Variants in PRKN observed in about 807,000 individuals in gnomAD.
The protein encoded by PRKN is parkin RBR E3 ubiquitin protein ligase.
Under a neutral mutation model 59.5 loss-of-function variants are expected in PRKN, and 56 were observed. The ratio of observed to expected loss-of-function variants is 0.94; its 90% CI spans 0.76 to 1.18. PRKN has a LOEUF of 1.18. Among genes scored for constraint, PRKN ranks in the 50% most tolerant of loss-of-function variants. The probability of loss-of-function intolerance (pLI) is 0.00; values close to 1 mark genes in which losing one functional copy is unlikely to be tolerated. For synonymous variants in PRKN, 250 were observed against 222.1 expected, an observed-to-expected ratio of 1.13 and a Z score of -1.12; for missense variants, 657 against 596.4, an observed-to-expected ratio of 1.10 and a Z score of -1.06.
chr6:161,467,685 C>G lies in PRKN; in HGVS notation c.1084-80808G>C, dbSNP rs182713209. Among the ~76,000 whole-genome samples the G allele has an allele frequency of 6.6e-6, 1 of 152,310 alleles. No homozygotes were observed. Among genetic ancestry groups the G allele is most frequent in the East Asian group, 1.9e-4 (1 of 5,178 alleles). ...CAGGAGCGACAGAGGCTGCAAATGC[C>G]TGCCCAATATTCATGTTCCTCTTCT... is the stretch of plus-strand genomic sequence containing the variant. On this transcript the variant is annotated intron_variant, in intron 9 of 11. Transcript: ENST00000366898. The surrounding 1 kb of genome is among the most constrained non-coding windows in gnomAD (Gnocchi z 4.3).
chr6:161,448,371 A>G lies in PRKN; in HGVS notation c.1084-61494T>C, dbSNP rs1485672372. Among the ~76,000 whole-genome samples, 2 of 152,354 alleles carry G rather than the reference A, an allele frequency of 1.3e-5. No homozygotes were observed. The highest frequency in any genetic ancestry group is 2.1e-4 in the South Asian group (1 of 4,826). The stretch of plus-strand genomic sequence containing the variant: ...TACACATGCATATACACGTATGTGT[A>G]CATACACATATGTAATGAAATTGTT... On this transcript the variant is annotated intron_variant, in intron 9 of 11. Coordinates refer to ENST00000366898, the MANE Select transcript of PRKN (RefSeq NM_004562.3). This position sits in a 1 kb window ranked among gnomAD's most constrained non-coding sequence, Gnocchi z 5.1.
At chr6:161,822,955 T>G (rs1489011002) in intron 6 of PRKN, among the ~76,000 whole-genome samples, 1 of 152,192 alleles carries the variant, frequency 6.6e-6, no homozygotes, top group Non-Finnish European at 1.5e-5. Context: ...ATTTATTTTT[T>G]GAGATAGGGT....
chr6:162,672,181 T>A (rs984914349), intron 1 of PRKN, among the ~76,000 whole-genome samples: 1 of 152,130 alleles, frequency 6.6e-6, no homozygotes, highest in Admixed American at 6.5e-5. Context: ...AAACAAAAAA[T>A]ACACTAAAGA....
intron 4 of PRKN, among the ~76,000 whole-genome samples, chr6:162,086,219 C>T (rs1335484090): frequency 1.3e-5 from 2 of 152,142 alleles, no homozygotes; most frequent in East Asian, 3.9e-4. Flanking sequence ...TGGCACTCAA[C>T]TATCTTAAAT....
chr6:162,669,734 T>C (rs1327523525), intron 1 of PRKN, among the ~76,000 whole-genome samples: 1 of 152,188 alleles, frequency 6.6e-6, no homozygotes, highest in Admixed American at 6.5e-5. Context: ...ATTCCTCTGG[T>C]ATTTGGCCCT....
intron 1 of PRKN, chr6:162,569,392 T>C: frequency 1.5e-6 from 1 of 666,348 alleles, no homozygotes; most frequent in Non-Finnish European, 2.9e-6. Flanking sequence ...GGCAGCTGCA[T>C]GAGTACCAGA....
At chr6:162,317,000 T>A (rs1782779495) in intron 2 of PRKN, among the ~76,000 whole-genome samples, 1 of 151,662 alleles carries the variant, frequency 6.6e-6, no homozygotes, top group Admixed American at 6.6e-5. Context: ...CTTAAACAGT[T>A]AAGATTCAAG....
chr6:161,684,180 C>T (rs912626411), intron 7 of PRKN, among the ~76,000 whole-genome samples: 23 of 152,036 alleles, frequency 1.5e-4, no homozygotes, highest in Admixed American at 3.9e-4. Flanking sequence ...CAAATCATGT[C>T]TGCTTGGAGA....
rs541691032 is a variant in PRKN, at chr6:162,633,250, G to A, written c.7+94412C>T. Among the ~76,000 whole-genome samples the A allele has an allele frequency of 8.2e-4, 124 of 151,344 alleles. 1 individual carries two copies. Among genetic ancestry groups the A allele is most frequent in the African/African-American group, 2.9e-3 (121 of 41,262 alleles). ...GGAGTTCGAGACCAGCCTGGCCGAC[G>A]TGGTGAAACCCCATCTCTACTAAAA... On this transcript the variant is annotated intron_variant, in intron 1 of 11. Transcript: ENST00000366898.
chr6:162,620,953 A>C (rs899577751), intron 1 of PRKN, among the ~76,000 whole-genome samples: 1 of 152,238 alleles, frequency 6.6e-6, no homozygotes, highest in Admixed American at 6.5e-5. Context: ...CTTTGAAGAC[A>C]CTGCTTTGAT....
chr6:161,907,008 C>G (rs192809039), intron 6 of PRKN, among the ~76,000 whole-genome samples: 1 of 152,110 alleles, frequency 6.6e-6, no homozygotes, highest in Non-Finnish European at 1.5e-5. Flanking sequence ...AGTCCACTGA[C>G]TCAAATGTTT....
chr6:161,633,997 A>AACACACAC (rs141101298), intron 7 of PRKN, among the ~76,000 whole-genome samples: 6,860 of 141,976 alleles, frequency 0.048, 311 homozygotes, highest in East Asian at 0.17. Flanking sequence ...GGAAAACTTA[A>AACACACAC]ACACACACAC....
intron 4 of PRKN, among the ~76,000 whole-genome samples, chr6:162,163,161 G>T (rs1782830704): frequency 6.7e-6 from 1 of 149,286 alleles, no homozygotes; most frequent in Admixed American, 6.7e-5. Context: ...AGACAGTGAT[G>T]CCAGTGTCTC....
chr6:161,941,367 C>T (rs976075395), intron 6 of PRKN, among the ~76,000 whole-genome samples: 2 of 152,188 alleles, frequency 1.3e-5, no homozygotes, highest in African/African-American at 4.8e-5. Flanking sequence ...ACTGGCAGAA[C>T]GATGTGGAGT....
intron 6 of PRKN, among the ~76,000 whole-genome samples, chr6:161,848,002 G>T: frequency 6.6e-6 from 1 of 152,144 alleles, no homozygotes; most frequent in Non-Finnish European, 1.5e-5. Flanking sequence ...TAGAGCTGTA[G>T]GGAAGATTTA....
At chr6:162,122,272 C>G (rs118022863) in intron 4 of PRKN, among the ~76,000 whole-genome samples, 1,960 of 152,266 alleles carry the variant, frequency 0.013, 23 homozygotes, top group Non-Finnish European at 0.016. Flanking sequence ...TGATCTGCTA[C>G]CAACACTCCT....
intron 3 of PRKN, among the ~76,000 whole-genome samples, chr6:162,215,563 C>G (rs944432537): frequency 6.6e-6 from 1 of 152,180 alleles, no homozygotes; most frequent in Non-Finnish European, 1.5e-5. Flanking sequence ...GGTTATAAAT[C>G]TTCATTTAAC....
intron 1 of PRKN, among the ~76,000 whole-genome samples, chr6:162,640,206 C>G (rs1478477007): frequency 1.3e-5 from 2 of 152,108 alleles, no homozygotes; most frequent in African/African-American, 2.4e-5. Flanking sequence ...GTCTTGAGAA[C>G]AGGCTTCCAA....
At chr6:162,002,028 C>T (rs1782078837) in intron 5 of PRKN, among the ~76,000 whole-genome samples, 1 of 151,488 alleles carries the variant, frequency 6.6e-6, no homozygotes, top group Admixed American at 6.6e-5. Context: ...CAGTTGGCTG[C>T]ATGTTATAAT....
Sources: gnomAD v4.1 joint callset for allele counts (sites outside exome capture counted in the v4.1 genomes callset) on GRCh38, gnomAD v4.1.1 for gene constraint, Gnocchi (gnomAD v3.1) non-coding constraint, MANE v1.5 for transcripts, NCBI Gene and HGNC (gene_info 2026-07-23, HGNC 2026-07-21) for gene names.